The following CPNE8 variants were observed in gnomAD, a reference collection of about 807,000 sequenced individuals.
CPNE8 encodes the protein copine 8.
A neutral mutation model predicts 81.5 loss-of-function variants in CPNE8; 45 were observed. The ratio of observed to expected loss-of-function variants is 0.55; its 90% CI spans 0.44 to 0.71. CPNE8 has a LOEUF of 0.71. Ranked by LOEUF, CPNE8 falls within the 30% of genes least tolerant of loss-of-function variation. The pLI, the probability that CPNE8 is intolerant of heterozygous loss-of-function variation, is 0.00. For missense variants in CPNE8, 594 were observed against 672.1 expected (o/e 0.88, Z 1.28); for synonymous variants, 252 against 226.3 (o/e 1.11, Z -1.02).
At chr12:38,905,369 G>C in intron 1 of CPNE8, 68 bp downstream of exon 1, 1 of 1,510,610 alleles carries the variant, frequency 6.6e-7, no homozygotes, top group East Asian at 2.5e-5. Flanking sequence ...GGTACCCCGA[G>C]CGCTCTCCAA....
intron 10 of CPNE8, among the ~76,000 whole-genome samples, chr12:38,752,076 C>G (rs1048484879): frequency 5.3e-5 from 8 of 152,182 alleles, no homozygotes; most frequent in Admixed American, 5.2e-4. Context: ...TCATAAACAT[C>G]TGTGTTTATT....
chr12:38,890,891 A>G (rs1421164119), intron 1 of CPNE8, among the ~76,000 whole-genome samples: 1 of 148,082 alleles, frequency 6.8e-6, no homozygotes, highest in Non-Finnish European at 1.5e-5. Flanking sequence ...ATTTTTATTT[A>G]TATATATACA....
intron 4 of CPNE8, among the ~76,000 whole-genome samples, chr12:38,841,202 G>A (rs192806333): frequency 1.3e-5 from 2 of 152,282 alleles, no homozygotes; most frequent in East Asian, 3.9e-4. Flanking sequence ...CTAAGGCTTT[G>A]AGGTGAAAGG....
chr12:38,859,197 A>G (rs1039015511), intron 3 of CPNE8, among the ~76,000 whole-genome samples: 2 of 151,690 alleles, frequency 1.3e-5, no homozygotes, highest in African/African-American at 4.8e-5. Flanking sequence ...AAAAAAAAAA[A>G]TCCCAAAGAC....
chr12:38,829,450 A>G lies in CPNE8; in HGVS notation c.336T>C (p.Phe112=). The change falls in exon 6 of 20, where the codon TTT becomes TTC. Residue 112 remains phenylalanine (F), a synonymous_variant. Transcript: ENST00000331366. ...SKSPNLSKHD[F]LGQVFCTLGE... is the part of the protein sequence containing the mutation. ...CCAATGTACAAAACACTTGTCCCAG[A>G]AAGTCCTGAAATAGATAAAAAGATT... 6.2e-7 allele frequency: 1 copy of G among 1,610,630 alleles called. No homozygotes were observed.
intron 6 of CPNE8, among the ~76,000 whole-genome samples, chr12:38,825,064 G>T (rs573142379): frequency 4.6e-5 from 7 of 152,320 alleles, no homozygotes; most frequent in Non-Finnish European, 1.0e-4. Flanking sequence ...ATGAAGAATA[G>T]ATAGAAGAGC....
intron 14 of CPNE8, among the ~76,000 whole-genome samples, chr12:38,702,184 A>G (rs1352585211): frequency 2.0e-5 from 3 of 152,246 alleles, no homozygotes; most frequent in African/African-American, 7.2e-5. Context: ...AACTTCTGGT[A>G]AAAGTTACAT....
rs752680116 is a variant in CPNE8, at chr12:38,848,573, A to G, written c.276T>C (p.Asn92=). Reference sequence around the variant, plus strand: ...GTAGAACTTACAAGTCAAAACGAAGATTCTCTCTTTCTTCAAAAAAGTAGT... The same window carrying G: ...GTAGAACTTACAAGTCAAAACGAAGGTTCTCTCTTTCTTCAAAAAAGTAGT... The part of the protein sequence containing the change: ...ILDYFFEERE[N]LRFDLYDVDS... Residue 92 remains asparagine (N), a synonymous_variant, in exon 4 of 20, where the codon AAT becomes AAC. Transcript: ENST00000331366. 1 of 1,574,292 alleles carries G rather than the reference A, an allele frequency of 6.4e-7. No homozygotes were observed.
chr12:38,887,933 C>T (rs1944259277), intron 1 of CPNE8, among the ~76,000 whole-genome samples: 1 of 152,214 alleles, frequency 6.6e-6, no homozygotes, highest in Admixed American at 6.5e-5. Flanking sequence ...CACTTGCTAA[C>T]AGCTAAGTGG....
intron 15 of CPNE8, among the ~76,000 whole-genome samples, chr12:38,690,980 T>A (rs1479988369): frequency 6.6e-6 from 1 of 152,082 alleles, no homozygotes; most frequent in African/African-American, 2.4e-5. Flanking sequence ...AATTAAGCCC[T>A]CCAGCAACCT....
chr12:38,867,279 A>T (rs10506130), intron 3 of CPNE8, among the ~76,000 whole-genome samples: 6,030 of 150,972 alleles, frequency 0.04, 435 homozygotes, highest in East Asian at 0.32. Context: ...TTTACAAAAA[A>T]GTCCTTGATG....
intron 10 of CPNE8, among the ~76,000 whole-genome samples, chr12:38,732,764 C>T (rs902946893): frequency 6.6e-6 from 1 of 151,924 alleles, no homozygotes; most frequent in Non-Finnish European, 1.5e-5. Flanking sequence ...TCTCATATTA[C>T]AAGCATCTCT....
chr12:38,658,519 G>A (rs1938876882), intron 19 of CPNE8, among the ~76,000 whole-genome samples: 1 of 152,128 alleles, frequency 6.6e-6, no homozygotes, highest in African/African-American at 2.4e-5. Flanking sequence ...AGCAAGGCAA[G>A]CCAACATTCA....
At chr12:38,726,249 C>T (rs772550389) in intron 11 of CPNE8, 2 of 145,778 alleles carry the variant, frequency 1.4e-5, no homozygotes, top group Non-Finnish European at 3.0e-5. Flanking sequence ...TAAGGAAGCC[C>T]CATTAAAAAC....
chr12:38,826,159 C>T (rs1943187932), intron 6 of CPNE8, among the ~76,000 whole-genome samples: 1 of 152,186 alleles, frequency 6.6e-6, no homozygotes, highest in East Asian at 1.9e-4. Flanking sequence ...ATTTAGAAAT[C>T]TTCCACTGCT....
chr12:38,795,374 T>G (rs886475345), intron 6 of CPNE8, among the ~76,000 whole-genome samples: 2 of 152,212 alleles, frequency 1.3e-5, no homozygotes, highest in African/African-American at 4.8e-5. Context: ...CACTTCCATG[T>G]GTATATTCAA....
At chr12:38,782,683 G>GT (rs1248144977) in intron 6 of CPNE8, among the ~76,000 whole-genome samples, 2 of 150,124 alleles carry the variant, frequency 1.3e-5, no homozygotes, top group East Asian at 4.1e-4. Flanking sequence ...TTTTGTTTTT[G>GT]TTTTGTTTTT....
chr12:38,760,916 AG>A (rs1201761714), intron 9 of CPNE8, 28 bp from the exon 10 acceptor site: 1 of 1,508,590 alleles, frequency 6.6e-7, no homozygotes, highest in Non-Finnish European at 8.9e-7. Context: ...ATACACATAA[AG>A]TTACTTAGTA....
rs189526209 is a variant in CPNE8 at position 38,799,332 on chromosome 12, T to C, written c.408-23031A>G. Reference sequence around the variant, plus strand: ...CTCAGCAAATGTAACACAACAGAAATTACAACAAACTGTCTCTCAGACCAC... The same window carrying C: ...CTCAGCAAATGTAACACAACAGAAACTACAACAAACTGTCTCTCAGACCAC... On this transcript the variant is annotated intron_variant, in intron 6 of 19. Coordinates refer to ENST00000331366, the MANE Select transcript of CPNE8 (RefSeq NM_153634.3). Among the ~76,000 whole-genome samples, 10 of 151,958 alleles carry C rather than the reference T, an allele frequency of 6.6e-5. No homozygotes were observed. The East Asian group carries it at 1.2e-3, about 18-fold the overall frequency.
Sources: gnomAD v4.1 joint callset for allele counts (sites outside exome capture counted in the v4.1 genomes callset) on GRCh38, gnomAD v4.1.1 for gene constraint, MANE v1.5 for transcripts, NCBI Gene and HGNC (gene_info 2026-07-23, HGNC 2026-07-21) for gene names.